OPCML: variants seen among roughly 807,000 people sequenced by gnomAD.
The protein encoded by OPCML is opioid-binding protein/cell adhesion molecule.
A neutral mutation model predicts 37.8 loss-of-function variants in OPCML; 13 were observed. The ratio of observed to expected loss-of-function variants is 0.34; its 90% CI spans 0.22 to 0.55. The LOEUF is 0.55. Ranked by LOEUF, OPCML falls within the 20% of genes least tolerant of loss-of-function variation. The pLI, the probability that OPCML is intolerant of heterozygous loss-of-function variation, is 0.91. For missense variants in OPCML, 341 were observed against 435.6 expected, an observed-to-expected ratio of 0.78 and a Z score of 1.93; for synonymous variants, 176 against 168.8, an observed-to-expected ratio of 1.04 and a Z score of -0.33.
rs147872735 is a variant in OPCML at position 133,273,094 on chromosome 11, A to G, written c.61+259170T>C. On this transcript the variant is annotated intron_variant, in intron 1 of 7. Coordinates refer to ENST00000524381, the MANE Select transcript of OPCML (RefSeq NM_001012393.5). ...CAGGGGTTTCAAGGAGAGCTGGCAG[A>G]GCACCAGATAGCAGCCACCCACTGA... 3.9e-3 allele frequency among the ~76,000 whole-genome samples: 591 copies of G among 152,272 alleles called. 2 individuals carry two copies. The highest frequency in any genetic ancestry group is 0.013 in the African/African-American group (560 of 41,554).
At chr11:132,666,875 G>A (rs1942250237) in intron 2 of OPCML, among the ~76,000 whole-genome samples, 1 of 152,190 alleles carries the variant, frequency 6.6e-6, no homozygotes, top group African/African-American at 2.4e-5. Context: ...CTATAGGCCT[G>A]TATTTTATGA....
intron 3 of OPCML, among the ~76,000 whole-genome samples, chr11:132,590,702 A>G (rs1034371175): frequency 8.5e-5 from 13 of 152,154 alleles, no homozygotes; most frequent in African/African-American, 3.1e-4. Flanking sequence ...CATGAATTAA[A>G]CAAACGGCAC....
At chr11:132,948,851 G>T (rs1247479443) in intron 1 of OPCML, among the ~76,000 whole-genome samples, 1 of 152,150 alleles carries the variant, frequency 6.6e-6, no homozygotes, top group East Asian at 1.9e-4. Context: ...GGTTATAAAT[G>T]CCCTATGTAC....
At chr11:133,417,211 C>T (rs1277317931) in intron 1 of OPCML, among the ~76,000 whole-genome samples, 1 of 151,990 alleles carries the variant, frequency 6.6e-6, no homozygotes, top group Non-Finnish European at 1.5e-5. Flanking sequence ...TTAATTGAGC[C>T]GTAGGAGGGG....
chr11:133,216,144 C>A (rs150902284), intron 1 of OPCML, among the ~76,000 whole-genome samples: 1 of 152,324 alleles, frequency 6.6e-6, no homozygotes, highest in Non-Finnish European at 1.5e-5. Context: ...ACTTCGGATT[C>A]CCGTATGTGA....
At chr11:132,482,116 T>A (rs1352334046) in intron 4 of OPCML, among the ~76,000 whole-genome samples, 4 of 149,416 alleles carry the variant, frequency 2.7e-5, no homozygotes, top group African/African-American at 7.4e-5. Flanking sequence ...CTTCAAAAAA[T>A]TAATGAATCC....
chr11:132,840,241 T>C (rs929363220), intron 2 of OPCML, among the ~76,000 whole-genome samples: 2 of 152,188 alleles, frequency 1.3e-5, no homozygotes, highest in Non-Finnish European at 2.9e-5. Flanking sequence ...GTTTTTCAGA[T>C]ATGGCAAGTA....
At chr11:133,074,716 A>G (rs1394904307) in intron 1 of OPCML, among the ~76,000 whole-genome samples, 1 of 152,120 alleles carries the variant, frequency 6.6e-6, no homozygotes, top group African/African-American at 2.4e-5. Context: ...ATAATTTTTT[A>G]TCTACTCTTG....
intron 2 of OPCML, among the ~76,000 whole-genome samples, chr11:132,690,049 A>G (rs1368920788): frequency 6.6e-6 from 1 of 152,236 alleles, no homozygotes; most frequent in Non-Finnish European, 1.5e-5. Context: ...ACACTGGCCC[A>G]AGGCTAAGAA....
chr11:132,891,906 C>A (rs1040570345), intron 2 of OPCML, among the ~76,000 whole-genome samples: 2 of 152,324 alleles, frequency 1.3e-5, no homozygotes, highest in East Asian at 3.9e-4. Flanking sequence ...CACACCCCTG[C>A]TGCCGTGAAT....
chr11:133,440,718 C>T (rs1946345430), intron 1 of OPCML, among the ~76,000 whole-genome samples: 1 of 137,078 alleles, frequency 7.3e-6, no homozygotes, highest in Non-Finnish European at 1.5e-5. Flanking sequence ...AAGAACGAAA[C>T]TCCCTCTCAG....
intron 1 of OPCML, among the ~76,000 whole-genome samples, chr11:132,986,032 T>C (rs1172848400): frequency 6.6e-6 from 1 of 152,232 alleles, no homozygotes; most frequent in African/African-American, 2.4e-5. Flanking sequence ...CTGCCTGGAA[T>C]GTGTTTATGA....
intron 1 of OPCML, among the ~76,000 whole-genome samples, chr11:133,313,322 C>T (rs913852690): frequency 2.6e-5 from 4 of 152,196 alleles, no homozygotes; most frequent in African/African-American, 9.6e-5. Flanking sequence ...TCTTTAAACA[C>T]TAACTGTTCA....
At chr11:133,458,578 T>C (rs1234033887) in intron 1 of OPCML, among the ~76,000 whole-genome samples, 3 of 119,468 alleles carry the variant, frequency 2.5e-5, no homozygotes, top group Admixed American at 1.4e-4. Context: ...TATACACGTG[T>C]GTGTACACAT....
Position 133,436,839 on chromosome 11 carries a change from C to G in OPCML, c.61+95425G>C, listed in dbSNP as rs150167856. ...AAAACCCCCGCGTAACTGCAAAGAC[C>G]TAAACCTTTCGGTCCTTAGGACTCA... is the stretch of plus-strand genomic sequence containing the variant. On this transcript the variant is annotated intron_variant, in intron 1 of 7. Transcript: ENST00000524381. Among the ~76,000 whole-genome samples the G allele has an allele frequency of 2.6e-3, 402 of 152,282 alleles. 2 individuals are homozygous for G. Among genetic ancestry groups the G allele is most frequent in the Middle Eastern group, 0.014 (4 of 294 alleles).
intron 3 of OPCML, among the ~76,000 whole-genome samples, chr11:132,537,092 A>G (rs7119651): frequency 0.61 from 92,261 of 152,122 alleles, 30,486 homozygotes; most frequent in African/African-American, 0.86. Flanking sequence ...CTGGGAACAG[A>G]GTAATAACAC....
intron 1 of OPCML, chr11:133,024,811 T>C (rs1208603606): frequency 1.0e-6 from 1 of 985,310 alleles, no homozygotes; most frequent in African/African-American, 1.7e-5. Flanking sequence ...GACTCAGTTC[T>C]ATCACTGCCT....
intron 2 of OPCML, among the ~76,000 whole-genome samples, chr11:132,832,820 G>A (rs1042205030): frequency 2.0e-5 from 3 of 152,208 alleles, no homozygotes; most frequent in Non-Finnish European, 4.4e-5. Flanking sequence ...AGCCTGTACG[G>A]CACGTAACTG....
At chr11:132,869,884 C>G (rs1591729832) in intron 2 of OPCML, among the ~76,000 whole-genome samples, 1 of 152,122 alleles carries the variant, frequency 6.6e-6, no homozygotes, top group Non-Finnish European at 1.5e-5. Flanking sequence ...AGATGCACCT[C>G]TCATGCTTCT....
Sources: allele counts gnomAD v4.1 joint callset (sites outside exome capture counted in the v4.1 genomes callset), GRCh38; gene constraint gnomAD v4.1.1; transcripts MANE v1.5; gene names NCBI Gene and HGNC (gene_info 2026-07-23, HGNC 2026-07-21).